The following CFAP54 variants were observed in gnomAD, a reference collection of about 807,000 sequenced individuals.
The protein encoded by CFAP54 is cilia and flagella associated protein 54, also known as cilia- and flagella-associated protein 54.
Under a neutral mutation model 370.4 loss-of-function variants are expected in CFAP54, and 290 were observed. That is an observed-to-expected ratio of 0.78 (90% CI 0.71 to 0.86). The LOEUF (loss-of-function observed/expected upper bound fraction) is 0.86, where lower values mean the gene tolerates loss of function less well. Among genes scored for constraint, CFAP54 ranks in the 40% least tolerant of loss-of-function variants. CFAP54 has a pLI of 0.00. For synonymous variants in CFAP54, 1,206 were observed against 1,236.5 expected (o/e 0.98, Z 0.52); for missense variants, 3,399 against 3,528.7 (o/e 0.96, Z 0.93).
At chr12:96,659,031 T>G (rs982732090) in intron 38 of CFAP54, among the ~76,000 whole-genome samples, 5 of 152,110 alleles carry the variant, frequency 3.3e-5, no homozygotes, top group South Asian at 2.1e-4. Flanking sequence ...GTGTCTTTCT[T>G]TTTTTGAAAC....
chr12:96,527,183 C>A (rs1384696718), intron 8 of CFAP54, 63 bp from the exon 9 acceptor site: 11 of 1,362,798 alleles, frequency 8.1e-6, no homozygotes, highest in Middle Eastern at 1.8e-4. Flanking sequence ...AGGCATGAGC[C>A]ACTGCGCCCA....
rs375064372 is a variant in CFAP54 at position 96,684,721 on chromosome 12, C to T, written c.5790C>T (p.Phe1930=). 9.3e-6 allele frequency: 15 copies of T among 1,610,162 alleles called. No individual in the cohort carries two copies. The highest frequency in any genetic ancestry group is 5.6e-5 in the South Asian group (5 of 89,800). Residue 1930 remains phenylalanine, a synonymous_variant, in exon 41 of 68, where the codon TTC becomes TTT. Transcript: ENST00000524981. ...ATTCACTTGGAAGTCTTCTCATCTT[C>T]GCAGAAAAGAAAAGGTAGATTTTTA... ...ALHSLGSLLI[F]AEKKRAAFKC... is the part of the protein sequence containing the mutation.
At chr12:96,617,856 G>T (rs1446062132) in intron 26 of CFAP54, among the ~76,000 whole-genome samples, 4 of 151,964 alleles carry the variant, frequency 2.6e-5, no homozygotes, top group African/African-American at 9.7e-5. Flanking sequence ...CAGGCAAGGT[G>T]GCGGGCGCCT....
chr12:96,803,379 A>G (rs1282841916), intron 63 of CFAP54, among the ~76,000 whole-genome samples: 4 of 152,034 alleles, frequency 2.6e-5, no homozygotes, highest in African/African-American at 4.8e-5. Flanking sequence ...ATGGGATGGA[A>G]TCTCATTCCT....
chr12:96,504,590 T>C (rs1307906809), intron 3 of CFAP54, among the ~76,000 whole-genome samples: 1 of 152,184 alleles, frequency 6.6e-6, no homozygotes, highest in East Asian at 1.9e-4. Context: ...GGTGCCTCTT[T>C]TACAGGTTAG....
intron 50 of CFAP54, among the ~76,000 whole-genome samples, chr12:96,726,287 C>A (rs2136618401): frequency 6.6e-6 from 1 of 152,154 alleles, no homozygotes; most frequent in East Asian, 1.9e-4. Flanking sequence ...TAGAATTCGG[C>A]TATGAATCCA....
At chr12:96,507,584 G>T (rs551270927) in intron 4 of CFAP54, among the ~76,000 whole-genome samples, 33 of 151,392 alleles carry the variant, frequency 2.2e-4, no homozygotes, top group Non-Finnish European at 2.4e-4. Context: ...TGTACATTAT[G>T]TGTATGTCTG....
chr12:96,648,580 CTTTTTTTTTT>C (rs11303164), intron 34 of CFAP54, among the ~76,000 whole-genome samples: 2 of 58,666 alleles, frequency 3.4e-5, no homozygotes, highest in African/African-American at 1.4e-4. Context: ...AAACAGGGTT[CTTTTTTTTTT>C]TTTTTTTTTT....
chr12:96,848,734 A>G (rs932227332), intron 66 of CFAP54, among the ~76,000 whole-genome samples: 4 of 152,246 alleles, frequency 2.6e-5, no homozygotes, highest in African/African-American at 9.6e-5. Context: ...TCTCACCAAT[A>G]TAACCATTTG....
rs559799523 is a variant in CFAP54, at chr12:96,530,430, C to T, written c.1357+2986C>T. Among the ~76,000 whole-genome samples, 30 of 152,310 alleles carry T rather than the reference C, an allele frequency of 2.0e-4. No individual in the cohort carries two copies. The South Asian group carries it at 2.1e-3, about 11-fold the overall frequency. Reference sequence around the variant, plus strand: ...ATTTGAATCCAGGAGTCAGAGGTTGCAGTGAATGGAGATCACACCACCACC... The same window carrying T: ...ATTTGAATCCAGGAGTCAGAGGTTGTAGTGAATGGAGATCACACCACCACC... On this transcript the variant is annotated intron_variant, in intron 9 of 67. Transcript: ENST00000524981.
intron 46 of CFAP54, among the ~76,000 whole-genome samples, chr12:96,701,392 A>G (rs80224227): frequency 0.019 from 2,949 of 152,220 alleles, 108 homozygotes; most frequent in African/African-American, 0.067. Flanking sequence ...CTTACTGAAT[A>G]CAGATGCCAT....
chr12:96,762,538 C>T (rs1958350874), intron 58 of CFAP54, among the ~76,000 whole-genome samples: 1 of 152,218 alleles, frequency 6.6e-6, no homozygotes, highest in African/African-American at 2.4e-5. Context: ...TGGGCTCAAG[C>T]CCAACTTCCT....
intron 50 of CFAP54, among the ~76,000 whole-genome samples, chr12:96,734,073 G>C (rs1415950727): frequency 1.3e-5 from 2 of 151,822 alleles, no homozygotes; most frequent in Admixed American, 6.6e-5. Context: ...TTATTTTCTT[G>C]GTTAGTTTTA....
At chr12:96,610,899 C>T (rs1183890845) in intron 26 of CFAP54, among the ~76,000 whole-genome samples, 2 of 152,200 alleles carry the variant, frequency 1.3e-5, no homozygotes, top group Non-Finnish European at 2.9e-5. Flanking sequence ...GAAGTTCGAA[C>T]TGGGTGGAGC....
chr12:96,869,255 G>A (rs1367488936), intron 67 of CFAP54, among the ~76,000 whole-genome samples: 2 of 151,984 alleles, frequency 1.3e-5, no homozygotes, highest in East Asian at 1.9e-4. Flanking sequence ...TTAGAACAAT[G>A]TTGCTGGTTA....
chr12:96,645,581 A>AAATTG (rs1398039968), intron 33 of CFAP54: 30 of 153,360 alleles, frequency 2.0e-4, no homozygotes, highest in African/African-American at 7.0e-4. Flanking sequence ...CTTTCTTCAC[A>AAATTG]GAATTGGAAA....
intron 4 of CFAP54, among the ~76,000 whole-genome samples, chr12:96,510,813 A>C (rs1204359273): frequency 6.6e-6 from 1 of 152,100 alleles, no homozygotes; most frequent in Non-Finnish European, 1.5e-5. Flanking sequence ...AAATACAAAA[A>C]TTAGCTGAGC....
chr12:96,509,672 C>G (rs187409061), intron 4 of CFAP54, among the ~76,000 whole-genome samples: 2 of 151,932 alleles, frequency 1.3e-5, no homozygotes, highest in African/African-American at 4.8e-5. Flanking sequence ...AAAAATTATC[C>G]GGGTGTGGTG....
At chr12:96,826,521 A>AATATATT (rs1374663988) in intron 65 of CFAP54, among the ~76,000 whole-genome samples, 1 of 84,782 alleles carries the variant, frequency 1.2e-5, no homozygotes, top group Non-Finnish European at 2.1e-5. Flanking sequence ...ATAAATATAT[A>AATATATT]ATATATTATA....
Sources: allele counts gnomAD v4.1 joint callset (sites outside exome capture counted in the v4.1 genomes callset), GRCh38; gene constraint gnomAD v4.1.1; transcripts MANE v1.5; gene names NCBI Gene and HGNC (gene_info 2026-07-23, HGNC 2026-07-21).